BPNT2: variants seen among roughly 807,000 people sequenced by gnomAD.
BPNT2 encodes 3'(2'), 5'-bisphosphate nucleotidase 2, also known as Golgi-resident adenosine 3',5'-bisphosphate 3'-phosphatase.
Under a neutral mutation model 29.3 loss-of-function variants are expected in BPNT2, and 11 were observed. That is an observed-to-expected ratio of 0.38 (90% CI 0.24 to 0.62). The LOEUF (loss-of-function observed/expected upper bound fraction) is 0.62, where lower values mean the gene tolerates loss of function less well. Among genes scored for constraint, BPNT2 ranks in the 20% least tolerant of loss-of-function variants. The pLI, the probability that BPNT2 is intolerant of heterozygous loss-of-function variation, is 0.62. For missense variants in BPNT2, 459 were observed against 473.4 expected, an observed-to-expected ratio of 0.97 and a Z score of 0.28; for synonymous variants, 195 against 187.7, an observed-to-expected ratio of 1.04 and a Z score of -0.32.
intron 1 of BPNT2, among the ~76,000 whole-genome samples, chr8:56,990,643 TA>T (rs1305017595): frequency 6.6e-6 from 1 of 152,154 alleles, no homozygotes; most frequent in Admixed American, 6.5e-5. Context: ...TTCTTCGTCA[TA>T]GGGGGCTGTC....
chr8:56,971,046 C>CATAATGTATTCT (rs1806022294), intron 3 of BPNT2, among the ~76,000 whole-genome samples: 2 of 152,112 alleles, frequency 1.3e-5, no homozygotes, highest in Admixed American at 1.3e-4. Flanking sequence ...TCAGTACATA[C>CATAATGTATTCT]TACCAGAATA....
rs1214777077 is a variant in BPNT2, at chr8:56,993,532, C to T, written c.54G>A (p.Leu18=). Residue 18 remains leucine (L), a synonymous_variant, in exon 1 of 5, where the codon CTG becomes CTA. Transcript: ENST00000262644. ...GGTGGTAGAGCACGCCGAGCCCCAGCAGGCAAAACACTGCCACCCCCAGTG... is the reference window on the plus strand; with the variant it reads ...GGTGGTAGAGCACGCCGAGCCCCAGTAGGCAAAACACTGCCACCCCCAGTG... The part of the protein sequence containing the change: ...LSPLGVAVFC[L]LGLGVLYHLY... 2.0e-6 allele frequency: 3 copies of T among 1,494,076 alleles called. No homozygotes were observed. Among genetic ancestry groups the T allele is most frequent in the East Asian group, 2.9e-5 (1 of 35,048 alleles). The allele number at this position is 1,494,076 out of a possible 1,614,324, so 92.6% of individuals were successfully genotyped here.
intron 1 of BPNT2, among the ~76,000 whole-genome samples, chr8:56,980,753 GAGGAATATATTCTCTCCTTA>G (rs1009436041): frequency 1.9e-4 from 28 of 149,530 alleles, no homozygotes; most frequent in Admixed American, 9.4e-4. Context: ...TACGAGAATA[GAGGAATATATTCTCTCCTTA>G]AGGAATATAT....
intron 4 of BPNT2, 28 bp downstream of exon 4, chr8:56,966,163 C>T (rs1195264226): frequency 6.2e-7 from 1 of 1,612,958 alleles, no homozygotes; most frequent in South Asian, 1.1e-5. Context: ...GAACATTCTC[C>T]AGGGACCACA....
In BPNT2 at chr8:56,966,289, G is replaced by A; in HGVS notation, c.710C>T (p.Pro237Leu). ...ATGGGAACGAGACACAACGATCCTTGGGGTCTTCTCATTGTAGGAAGAGCG... is the reference window on the plus strand; with the variant it reads ...ATGGGAACGAGACACAACGATCCTTAGGGTCTTCTCATTGTAGGAAGAGCG... Reference protein sequence around the residue: ...KARSSYNEKTPRIVVSRSHSG... With the variant: ...KARSSYNEKTLRIVVSRSHSG... Residue 237 changes from proline (P) to leucine (L), a missense_variant, in exon 4 of 5, where the codon CCA becomes CTA. Coordinates refer to ENST00000262644, the MANE Select transcript of BPNT2 (RefSeq NM_017813.5). 9 of 1,613,876 alleles carry A rather than the reference G, an allele frequency of 5.6e-6. No individual in the cohort carries two copies. The highest frequency in any genetic ancestry group is 7.6e-6 in the Non-Finnish European group (9 of 1,179,780).
At chr8:56,989,098 T>C (rs978373933) in intron 1 of BPNT2, among the ~76,000 whole-genome samples, 2 of 152,188 alleles carry the variant, frequency 1.3e-5, no homozygotes, top group African/African-American at 2.4e-5. Context: ...ACTTGTTACA[T>C]CTGCTATACC....
intron 3 of BPNT2, among the ~76,000 whole-genome samples, chr8:56,971,790 C>CCCCCG (rs1554539137): frequency 1.4e-5 from 2 of 145,858 alleles, no homozygotes; most frequent in Non-Finnish European, 3.0e-5. Context: ...CCACCCCCCC[C>CCCCCG]CCCACAATGC....
At chr8:56,990,108 C>G (rs999712044) in intron 1 of BPNT2, among the ~76,000 whole-genome samples, 1 of 152,210 alleles carries the variant, frequency 6.6e-6, no homozygotes, top group African/African-American at 2.4e-5. Context: ...CTGGGACATA[C>G]TTCTGTTGAA....
At chr8:56,991,221 CCTCTT>C (rs1806411488) in intron 1 of BPNT2, among the ~76,000 whole-genome samples, 1 of 152,194 alleles carries the variant, frequency 6.6e-6, no homozygotes, top group South Asian at 2.1e-4. Context: ...TGATCACAAA[CCTCTT>C]CTATTCCTTC....
chr8:56,991,691 G>C (rs1435778856), intron 1 of BPNT2, among the ~76,000 whole-genome samples: 1 of 152,152 alleles, frequency 6.6e-6, no homozygotes, highest in Admixed American at 6.5e-5. Context: ...ATCAAATGAA[G>C]TCCTGTGTAG....
At chr8:56,974,304 G>A (rs1806091785) in intron 3 of BPNT2, among the ~76,000 whole-genome samples, 1 of 151,936 alleles carries the variant, frequency 6.6e-6, no homozygotes, top group Admixed American at 6.6e-5. Flanking sequence ...ACTGTTCATG[G>A]GTCTACTGTA....
intron 4 of BPNT2, among the ~76,000 whole-genome samples, chr8:56,965,464 G>C (rs1805925889): frequency 6.6e-6 from 1 of 152,166 alleles, no homozygotes; most frequent in South Asian, 2.1e-4. Flanking sequence ...ATGTTAGACA[G>C]TACTCATAAC....
chr8:56,993,543 C>T lies in BPNT2; in HGVS notation c.43G>A (p.Val15Met), dbSNP rs767591752. The T allele has an allele frequency of 5.4e-6, 8 of 1,487,546 alleles. No homozygotes were observed. The South Asian group carries it at 9.0e-5, about 17-fold the overall frequency. The allele number at this position is 1,487,546 out of a possible 1,614,324, so 92.1% of individuals were successfully genotyped here. The stretch of plus-strand genomic sequence containing the variant: ...ACGCCGAGCCCCAGCAGGCAAAACA[C>T]TGCCACCCCCAGTGGGGAAAGGCGG... ...GIRLSPLGVAVFCLLGLGVLY... is the reference protein window; with the variant it reads ...GIRLSPLGVAMFCLLGLGVLY... The change falls in exon 1 of 5, where the codon GTG (valine) becomes ATG (methionine). Residue 15 changes from valine (V) to methionine (M), a missense_variant. Physicochemically the swap from Val to Met is conservative, Grantham distance 21 (BLOSUM62 1). Transcript: ENST00000262644.
chr8:56,963,886 G>C lies in BPNT2; in HGVS notation c.987C>G (p.Asp329Glu). The C allele has an allele frequency of 6.2e-7, 1 of 1,614,076 alleles. No individual in the cohort carries two copies. Among genetic ancestry groups the C allele is most frequent in the Non-Finnish European group, 8.5e-7 (1 of 1,179,996 alleles). ...SGEEISYTGS[D>E]GIEGGLLASI... ...TAGCAAGGAGTCCCCCTTCAATGCC[G>C]TCTGAACCAGTGTAACTGATTTCTT... The change falls in exon 5 of 5, where the codon GAC (aspartate) becomes GAG (glutamate). Residue 329 changes from aspartate (D) to glutamate (E), a missense_variant. By Grantham distance (45) the Asp-to-Glu change is conservative. Transcript: ENST00000262644.
At chr8:56,982,951 AC>A (rs1585565779) in intron 1 of BPNT2, among the ~76,000 whole-genome samples, 1 of 152,140 alleles carries the variant, frequency 6.6e-6, no homozygotes, top group East Asian at 1.9e-4. Context: ...TCATGGATGA[AC>A]CCCCTTGCTT....
chr8:56,975,251 T>A (rs1266034845), intron 3 of BPNT2, among the ~76,000 whole-genome samples: 1 of 152,108 alleles, frequency 6.6e-6, no homozygotes, highest in Non-Finnish European at 1.5e-5. Context: ...AGGAGTCAGA[T>A]CCTTATACGT....
At chr8:56,988,841 C>T (rs1233636141) in intron 1 of BPNT2, among the ~76,000 whole-genome samples, 1 of 152,176 alleles carries the variant, frequency 6.6e-6, no homozygotes, top group African/African-American at 2.4e-5. Context: ...TCCCCTTCAC[C>T]AGCAACAAAA....
chr8:56,973,128 G>C (rs774762164), intron 3 of BPNT2, among the ~76,000 whole-genome samples: 24 of 152,100 alleles, frequency 1.6e-4, no homozygotes, highest in Non-Finnish European at 2.5e-4. Context: ...CTGATGCTTT[G>C]ACCCTGAAGT....
intron 3 of BPNT2, among the ~76,000 whole-genome samples, chr8:56,972,917 T>C (rs1190684260): frequency 6.6e-6 from 1 of 151,484 alleles, no homozygotes; most frequent in Non-Finnish European, 1.5e-5. Context: ...AAATGAGCAC[T>C]AGGATTTAAG....
Sources: gnomAD v4.1 joint callset for allele counts (sites outside exome capture counted in the v4.1 genomes callset) on GRCh38, gnomAD v4.1.1 for gene constraint, MANE v1.5 for transcripts, NCBI Gene and HGNC (gene_info 2026-07-23, HGNC 2026-07-21) for gene names.